The following CENPC variants were observed in gnomAD, a reference collection of about 807,000 sequenced individuals.
The protein encoded by CENPC is CENP-C 1.
A neutral mutation model predicts 112.1 loss-of-function variants in CENPC; 63 were observed. The ratio of observed to expected loss-of-function variants is 0.56; its 90% CI spans 0.46 to 0.69. The LOEUF (loss-of-function observed/expected upper bound fraction) is 0.69. Among genes scored for constraint, CENPC ranks in the 30% least tolerant of loss-of-function variants. The probability of loss-of-function intolerance (pLI) is 0.00; values close to 1 mark genes in which losing one functional copy is unlikely to be tolerated. For synonymous variants in CENPC, 333 were observed against 367.6 expected, an observed-to-expected ratio of 0.91 and a Z score of 1.08; for missense variants, 1,000 against 1,103.8, an observed-to-expected ratio of 0.91 and a Z score of 1.33.
At chr4:67,472,733 T>C in intron 18 of CENPC, 58 bp from the exon 19 acceptor site, 1 of 1,414,756 alleles carries the variant, frequency 7.1e-7, no homozygotes, top group East Asian at 2.7e-5. Context: ...TTCTTTTTGA[T>C]TAAGTATGTA....
At position 67,470,251 on chromosome 4, in the gene CENPC, T is replaced by C. The variant is rs775708152; in HGVS notation, c.*2354A>G. 6.6e-6 allele frequency: 1 copy of C among 152,258 alleles called. No homozygotes were observed. The highest frequency in any genetic ancestry group is 1.5e-5 in the Non-Finnish European group (1 of 68,138). The allele number at this position is 152,258 out of a possible 1,614,324, so 9.4% of individuals were successfully genotyped here. On this transcript the variant is annotated 3_prime_UTR_variant, in exon 19 of 19. Transcript: ENST00000273853. The stretch of plus-strand genomic sequence containing the variant: ...AGAATGGAGAGCCTTTGCTGAACCA[T>C]ATGGGCTTTCAGTTTAGACAAAGAA...
In CENPC at chr4:67,527,534, C is replaced by T. The variant is rs1330460847; in HGVS notation, c.331+3281G>A. ...TTTTTTTTTTTGAGACAGGGTCTGA[C>T]TCTGTACCCAGGCTGGAGTGGGGTG... On this transcript the variant is annotated intron_variant, in intron 5 of 18. Coordinates refer to ENST00000273853, the MANE Select transcript of CENPC (RefSeq NM_001812.4). Among the ~76,000 whole-genome samples, 9 of 117,988 alleles carry T rather than the reference C, an allele frequency of 7.6e-5. No homozygotes were observed. In the Admixed American group the frequency reaches 1.0e-3, roughly 13 times the overall value. 77.4% of individuals were successfully genotyped at this position (117,988 alleles called of 152,430 possible).
intron 7 of CENPC, 29 bp from the exon 8 acceptor site, chr4:67,514,716 C>A: frequency 1.3e-6 from 2 of 1,527,282 alleles, no homozygotes; most frequent in South Asian, 1.3e-5. Flanking sequence ...TTTAACAGTT[C>A]AAAAAAATAA....
chr4:67,544,188 A>G lies in CENPC; in HGVS notation c.26T>C (p.Leu9Pro). 1 of 1,555,862 alleles carries G rather than the reference A, an allele frequency of 6.4e-7. No individual in the cohort carries two copies. The highest frequency in any genetic ancestry group is 1.4e-5 in the African/African-American group (1 of 73,852). The change falls in exon 2 of 19, where the codon CTC becomes CCC. Residue 9 changes from leucine to proline, a missense_variant. Physicochemically the swap from Leu to Pro is moderately conservative, Grantham distance 98. Coordinates refer to ENST00000273853, the MANE Select transcript of CENPC (RefSeq NM_001812.4). ...AAATCTTCTTCTGTAGCCATTTTTG[A>G]GATGATCCTGAAAGAAAAGTAAATC... MAASGLDH[L>P]KNGYRRRFCR... is the part of the protein sequence containing the mutation.
chr4:67,478,183 C>T (rs962963750), intron 17 of CENPC, among the ~76,000 whole-genome samples: 5 of 152,114 alleles, frequency 3.3e-5, no homozygotes, highest in African/African-American at 1.2e-4. Flanking sequence ...CATCCAAATA[C>T]AAGAAGTTCA....
chr4:67,493,072 T>A (rs1431924543), intron 14 of CENPC, 75 bp from the exon 15 acceptor site: 39 of 1,207,520 alleles, frequency 3.2e-5, no homozygotes, highest in Non-Finnish European at 4.3e-5. Flanking sequence ...AAATTTAATA[T>A]GGCACATTTC....
intron 4 of CENPC, among the ~76,000 whole-genome samples, chr4:67,533,506 GCT>G (rs1726621044): frequency 1.3e-5 from 2 of 152,178 alleles, no homozygotes; most frequent in Admixed American, 1.3e-4. Flanking sequence ...TTTTATCTCT[GCT>G]CTCTCTTAAC....
chr4:67,476,411 G>A (rs1724806770), intron 17 of CENPC, among the ~76,000 whole-genome samples: 1 of 152,182 alleles, frequency 6.6e-6, no homozygotes, highest in African/African-American at 2.4e-5. Flanking sequence ...TCCAGGTCAT[G>A]AGAGAAGGAT....
chr4:67,522,677 G>T (rs1178959464), intron 5 of CENPC, among the ~76,000 whole-genome samples: 3 of 152,136 alleles, frequency 2.0e-5, no homozygotes, highest in Non-Finnish European at 4.4e-5. Context: ...AGTGGATGGG[G>T]GGAAAGGTGA....
Position 67,522,119 on chromosome 4 carries a change from TAAA to T in CENPC, c.332-2620_332-2618del, listed in dbSNP as rs1034717141. Among the ~76,000 whole-genome samples, 24 of 152,292 alleles carry T rather than the reference TAAA, an allele frequency of 1.6e-4. No homozygotes were observed. In the East Asian group the frequency reaches 3.1e-3, roughly 20 times the overall value. On this transcript the variant is annotated intron_variant, in intron 5 of 18. Transcript: ENST00000273853. Reference sequence around the variant, plus strand: ...TACAATATTTTAAAATACACTTCTTTAAAAAAGAGCAAAGGAAGTGACGTGTGT... The same window carrying T: ...TACAATATTTTAAAATACACTTCTTTAAAGAGCAAAGGAAGTGACGTGTGT...
chr4:67,497,815 C>T (rs1388585287), intron 12 of CENPC, among the ~76,000 whole-genome samples: 1 of 80,294 alleles, frequency 1.2e-5, no homozygotes, highest in Non-Finnish European at 2.6e-5. Context: ...CCAAAGTGAG[C>T]CACCATACCC....
At chr4:67,517,090 T>G (rs1223457404) in intron 7 of CENPC, among the ~76,000 whole-genome samples, 1 of 151,938 alleles carries the variant, frequency 6.6e-6, no homozygotes, top group Non-Finnish European at 1.5e-5. Context: ...ATAAAAATAA[T>G]TAATCAACTA....
rs141736106 is a variant in CENPC, at chr4:67,492,572, T to C, written c.2419+297A>G. Reference sequence around the variant, plus strand: ...ATAATCTCTAAGTGAGATAGAGGTATATAAAACACTTTAGAAATGTCTATG... The same window carrying C: ...ATAATCTCTAAGTGAGATAGAGGTACATAAAACACTTTAGAAATGTCTATG... On this transcript the variant is annotated intron_variant, in intron 15 of 18. Coordinates refer to ENST00000273853, the MANE Select transcript of CENPC (RefSeq NM_001812.4). Among the ~76,000 whole-genome samples the C allele has an allele frequency of 8.9e-4, 136 of 152,324 alleles. 1 individual carries two copies. Among genetic ancestry groups the C allele is most frequent in the African/African-American group, 3.0e-3 (126 of 41,586 alleles).
At chr4:67,520,603 A>G (rs1726197183) in intron 5 of CENPC, among the ~76,000 whole-genome samples, 2 of 152,212 alleles carry the variant, frequency 1.3e-5, no homozygotes, top group South Asian at 4.1e-4. Context: ...TACCCACCCC[A>G]GACAGCACCA....
In CENPC at chr4:67,514,312, C is replaced by T. The variant is rs1725987407; in HGVS notation, c.1206G>A (p.Met402Ile). The T allele has an allele frequency of 6.2e-7, 1 of 1,610,146 alleles. No homozygotes were observed. Among genetic ancestry groups the T allele is most frequent in the African/African-American group, 1.3e-5 (1 of 74,862 alleles). ...ATGGTTTTTCTGCATTCTTGGAATA[C>T]ATTTCATATTTTGTAGATCTATAAT... ...VNNYRSTKYEMYSKNAEKPSR... is the reference protein window; with the variant it reads ...VNNYRSTKYEIYSKNAEKPSR... Residue 402 changes from methionine to isoleucine, a missense_variant, in exon 8 of 19, where the codon ATG becomes ATA. Coordinates refer to ENST00000273853, the MANE Select transcript of CENPC (RefSeq NM_001812.4).
At chr4:67,481,909 AAACT>A (rs1437743747) in intron 17 of CENPC, among the ~76,000 whole-genome samples, 1 of 152,238 alleles carries the variant, frequency 6.6e-6, no homozygotes, top group African/African-American at 2.4e-5. Flanking sequence ...GGACCTAATT[AAACT>A]AAAAAGCTTC....
Position 67,519,412 on chromosome 4 carries a change from A to G in CENPC, c.422T>C (p.Ile141Thr), listed in dbSNP as rs1180301448. The change falls in exon 6 of 19, where the codon ATA becomes ACA. Residue 141 changes from isoleucine (I) to threonine (T), a missense_variant. Ile to Thr is a moderately conservative substitution (Grantham distance 89). Transcript: ENST00000273853. Reference protein sequence around the residue: ...PDSKKISSRNINDHHSEADEE... With the variant: ...PDSKKISSRNTNDHHSEADEE... ...ATCAGCTTCACTGTGATGATCATTT[A>G]TGTTTCTACTTGATATTTTTTTCGA... The G allele has an allele frequency of 1.3e-5, 21 of 1,612,444 alleles. No individual in the cohort carries two copies. The highest frequency in any genetic ancestry group is 1.8e-5 in the Non-Finnish European group (21 of 1,178,982).
Position 67,514,343 on chromosome 4 carries a change from A to G in CENPC, c.1175T>C (p.Val392Ala). 1 of 1,612,196 alleles carries G rather than the reference A, an allele frequency of 6.2e-7. No individual in the cohort carries two copies. The highest frequency in any genetic ancestry group is 2.2e-5 in the East Asian group (1 of 44,758). Residue 392 changes from valine to alanine, a missense_variant, in exon 8 of 19, where the codon GTA becomes GCA. Physicochemically the swap from Val to Ala is moderately conservative, Grantham distance 64 (BLOSUM62 0). Transcript: ENST00000273853. ...ATATTTTGTAGATCTATAATTATTTACTGTTTCACCTATCAAAGCATAACT... is the reference window on the plus strand; with the variant it reads ...ATATTTTGTAGATCTATAATTATTTGCTGTTTCACCTATCAAAGCATAACT... The part of the protein sequence containing the change: ...DTSYALIGET[V>A]NNYRSTKYEM...
At chr4:67,534,233 T>C (rs1330090813) in intron 4 of CENPC, among the ~76,000 whole-genome samples, 10 of 152,118 alleles carry the variant, frequency 6.6e-5, no homozygotes, top group Admixed American at 3.3e-4. Flanking sequence ...CTGATCAATA[T>C]GGTGAAACCT....
Sources: allele counts gnomAD v4.1 joint callset (sites outside exome capture counted in the v4.1 genomes callset), GRCh38; gene constraint gnomAD v4.1.1; transcripts MANE v1.5; gene names NCBI Gene and HGNC (gene_info 2026-07-23, HGNC 2026-07-21).